Variants in USP48 observed in about 807,000 individuals in gnomAD.
The protein encoded by USP48 is ubiquitin carboxyl-terminal hydrolase 48.
USP48 carries 43 observed loss-of-function variants against 150.7 expected under a neutral mutation model. The ratio of observed to expected loss-of-function variants is 0.29; its 90% confidence interval spans 0.22 to 0.37. The LOEUF (loss-of-function observed/expected upper bound fraction) is 0.37. Ranked by LOEUF, USP48 falls within the 10% of genes least tolerant of loss-of-function variation. USP48 has a pLI of 1.00. For synonymous variants in USP48, 396 were observed against 425.9 expected, an observed-to-expected ratio of 0.93 and a Z score of 0.86; for missense variants, 813 against 1,249.6, an observed-to-expected ratio of 0.65 and a Z score of 5.27.
At chr1:21,764,892 G>C (rs1378460676) in intron 1 of USP48, among the ~76,000 whole-genome samples, 2 of 152,052 alleles carry the variant, frequency 1.3e-5, no homozygotes, top group Non-Finnish European at 2.9e-5. Context: ...AGAGCTCCCA[G>C]CCATCAGTCA....
chr1:21,704,471 C>A, intron 19 of USP48, 79 bp from the exon 20 acceptor site: 3 of 1,436,244 alleles, frequency 2.1e-6, no homozygotes, highest in South Asian at 1.4e-5. Context: ...GTCTGCTAAA[C>A]CAAAACCATT....
At chr1:21,744,169 C>T (rs776688602) in intron 8 of USP48, among the ~76,000 whole-genome samples, 58 of 152,082 alleles carry the variant, frequency 3.8e-4, no homozygotes, top group Admixed American at 2.2e-3. Context: ...TAAGGCCAGG[C>T]GTGGTGGCTC....
intron 1 of USP48, among the ~76,000 whole-genome samples, chr1:21,777,366 CA>C (rs141902650): frequency 6.1e-5 from 9 of 148,380 alleles, no homozygotes; most frequent in Admixed American, 6.8e-5. Context: ...CCAAAAGCGT[CA>C]AAAAAAAAAT....
intron 15 of USP48, among the ~76,000 whole-genome samples, chr1:21,711,757 C>A (rs532873943): frequency 6.6e-6 from 1 of 152,246 alleles, no homozygotes; most frequent in East Asian, 1.9e-4. Context: ...GAGTGCCTAG[C>A]ATAATAAATG....
At chr1:21,762,683 T>C (rs982061456) in intron 1 of USP48, among the ~76,000 whole-genome samples, 1 of 151,676 alleles carries the variant, frequency 6.6e-6, no homozygotes, top group East Asian at 1.9e-4. Flanking sequence ...CTGACCAACA[T>C]GGTGAAACCC....
chr1:21,768,199 T>G (rs949109502), intron 1 of USP48: 1 of 144,290 alleles, frequency 6.9e-6, no homozygotes, highest in South Asian at 2.1e-4. Context: ...AGAACAAGAC[T>G]CCGTCTCAAA....
Position 21,753,229 on chromosome 1 carries a change from G to A in USP48, c.413-110C>T, listed in dbSNP as rs1327235530. On this transcript the variant is annotated intron_variant, in intron 3 of 26. Transcript: ENST00000308271. ...CATAAACATCTCTACATCCAAACTAGATTAATACTTTATTATCATTTTAAA... is the reference window on the plus strand; with the variant it reads ...CATAAACATCTCTACATCCAAACTAAATTAATACTTTATTATCATTTTAAA... 2.7e-6 allele frequency: 3 copies of A among 1,127,598 alleles called. No individual in the cohort carries two copies. The African/African-American group carries it at 4.8e-5, about 18-fold the overall frequency. The allele number at this position is 1,127,598 out of a possible 1,614,324, so 69.8% of individuals were successfully genotyped here. A position where few individuals can be genotyped will look rare whatever the true frequency, so the allele number is the denominator to read the frequency against.
chr1:21,713,708 G>A (rs980034318), intron 15 of USP48, among the ~76,000 whole-genome samples: 3 of 152,188 alleles, frequency 2.0e-5, no homozygotes, highest in African/African-American at 4.8e-5. Context: ...TGATATGAGA[G>A]TATCACTGGA....
intron 24 of USP48, among the ~76,000 whole-genome samples, chr1:21,688,723 A>G (rs1423547588): frequency 2.0e-5 from 3 of 151,476 alleles, no homozygotes; most frequent in Non-Finnish European, 4.4e-5. Context: ...CACGCCTGTA[A>G]TCCCAGATAC....
chr1:21,719,633 G>A (rs1007171743), intron 14 of USP48, among the ~76,000 whole-genome samples: 3 of 152,110 alleles, frequency 2.0e-5, no homozygotes, highest in Non-Finnish European at 4.4e-5. Flanking sequence ...GCTCACGCCT[G>A]TAATCCCAAC....
chr1:21,699,031 A>G (rs564934158), intron 22 of USP48, among the ~76,000 whole-genome samples: 2 of 152,066 alleles, frequency 1.3e-5, no homozygotes, highest in East Asian at 3.9e-4. Context: ...ACACCCATAC[A>G]CCCAAATGCA....
intron 1 of USP48, chr1:21,781,839 C>T (rs1228188433): frequency 2.6e-5 from 4 of 152,220 alleles, no homozygotes; most frequent in African/African-American, 9.6e-5. Context: ...ACACAGACTT[C>T]AAACATTCCA....
chr1:21,679,307 A>T lies in USP48; in HGVS notation c.*110T>A. On this transcript the variant is annotated 3_prime_UTR_variant, in exon 27 of 27. Transcript: ENST00000308271. ...TTTGAATGGATTTCTGCCTTTTGGA[A>T]GGGGCATGTAATGGTTTAATTCTTA... The T allele has an allele frequency of 2.2e-6, 3 of 1,369,484 alleles. No homozygotes were observed. 84.8% of individuals were successfully genotyped at this position (1,369,484 alleles called of 1,614,324 possible). A position where few individuals can be genotyped will look rare whatever the true frequency, so the allele number is the denominator to read the frequency against.
chr1:21,687,265 A>AAACC (rs2097582603), intron 24 of USP48, 26 bp from the exon 25 acceptor site: 1 of 1,608,740 alleles, frequency 6.2e-7, no homozygotes, highest in Middle Eastern at 1.7e-4. Context: ...AGACAATTCA[A>AAACC]AACCACAAGG....
rs58485760 is a variant in USP48, at chr1:21,744,443, CA to C, written c.991+2623del. Among the ~76,000 whole-genome samples the C allele has an allele frequency of 2.0e-3, 237 of 118,128 alleles. 2 individuals are homozygous for C. The highest frequency in any genetic ancestry group is 5.8e-3 in the African/African-American group (190 of 32,708). 77.5% of individuals were successfully genotyped at this position (118,128 alleles called of 152,430 possible). A position where few individuals can be genotyped will look rare whatever the true frequency, so the allele number is the denominator to read the frequency against. ...GCCTGGGCGACGCAAAATTCTGTCT[CA>C]AAAAAAAAAACAGAAAAAGAAAAAA... On this transcript the variant is annotated intron_variant, in intron 8 of 26. Transcript: ENST00000308271.
chr1:21,782,837 G>A lies in USP48; in HGVS notation c.121C>T (p.Arg41Cys). 1 of 1,556,612 alleles carries A rather than the reference G, an allele frequency of 6.4e-7. No individual in the cohort carries two copies. Among genetic ancestry groups the A allele is most frequent in the South Asian group, 1.2e-5 (1 of 84,142 alleles). The change falls in exon 1 of 27, where the codon CGC becomes TGC. Residue 41 changes from arginine (R) to cysteine (C), a missense_variant. Physicochemically the swap from Arg to Cys is radical, Grantham distance 180. Coordinates refer to ENST00000308271, the MANE Select transcript of USP48 (RefSeq NM_032236.8). ...AYRIWLEPCI[R>C]GVCRRNCKGN... is the part of the protein sequence containing the mutation. ...CGCGGGCCTCACCTGCACACGCCGCGAATGCAGGGCTCCAGCCAGATGCGG... is the reference window on the plus strand; with the variant it reads ...CGCGGGCCTCACCTGCACACGCCGCAAATGCAGGGCTCCAGCCAGATGCGG...
intron 8 of USP48, among the ~76,000 whole-genome samples, chr1:21,745,414 T>A (rs1178845534): frequency 4.0e-5 from 6 of 150,118 alleles, no homozygotes; most frequent in African/African-American, 1.2e-4. Context: ...CAAGACCCCG[T>A]CTCTAAAAAA....
intron 23 of USP48, among the ~76,000 whole-genome samples, chr1:21,694,595 AAAAAAAAAAAAACC>A (rs2097618388): frequency 8.1e-6 from 1 of 123,560 alleles, no homozygotes; most frequent in Non-Finnish European, 1.8e-5. Flanking sequence ...AAAAAAAAAA[AAAAAAAAAAAAACC>A]CCCTCTATCT....
chr1:21,708,505 AAAACAAACAAAC>A (rs112365417), intron 15 of USP48, among the ~76,000 whole-genome samples: 2 of 149,206 alleles, frequency 1.3e-5, no homozygotes, highest in East Asian at 2.0e-4. Context: ...TCAAAAAACA[AAAACAAACAAAC>A]AAACAAACAA....
Sources: gnomAD v4.1 joint callset for allele counts (sites outside exome capture counted in the v4.1 genomes callset) on GRCh38, gnomAD v4.1.1 for gene constraint, MANE v1.5 for transcripts, NCBI Gene and HGNC (gene_info 2026-07-23, HGNC 2026-07-21) for gene names.